The following TMCC1 variants were observed in gnomAD, a reference collection of about 807,000 sequenced individuals.
The protein encoded by TMCC1 is transmembrane and coiled-coil domains protein 1.
TMCC1 carries 15 observed loss-of-function variants against 52.4 expected under a neutral mutation model. The ratio of observed to expected loss-of-function variants is 0.29; its 90% CI spans 0.19 to 0.44. The LOEUF (loss-of-function observed/expected upper bound fraction) is 0.44. TMCC1 is among the 20% of genes least tolerant of loss of function. The pLI is 1.00. For synonymous variants in TMCC1, 279 were observed against 301.9 expected (o/e 0.92, Z 0.79); for missense variants, 503 against 806.0 (o/e 0.62, Z 4.55).
At chr3:129,876,682 C>T (rs538096371) in intron 2 of TMCC1, among the ~76,000 whole-genome samples, 2 of 152,126 alleles carry the variant, frequency 1.3e-5, no homozygotes, top group East Asian at 1.9e-4. Context: ...GGGCTGGGCG[C>T]GGTGGCTCAC....
In TMCC1 at chr3:129,746,200, T is replaced by C. The variant is rs1203537460; in HGVS notation, c.577-74936A>G. Among the ~76,000 whole-genome samples the C allele has an allele frequency of 2.6e-5, 4 of 152,230 alleles. No homozygotes were observed. The East Asian group carries it at 7.7e-4, about 29-fold the overall frequency. ...TTTTTTTTTTCCTGAGATGGAGTCCTGCTCTTGTTGCCCAGGCTGGAGTGC... is the reference window on the plus strand; with the variant it reads ...TTTTTTTTTTCCTGAGATGGAGTCCCGCTCTTGTTGCCCAGGCTGGAGTGC... On this transcript the variant is annotated intron_variant, in intron 4 of 6. Transcript: ENST00000393238.
intron 4 of TMCC1, among the ~76,000 whole-genome samples, chr3:129,721,442 C>T (rs898824938): frequency 3.7e-4 from 57 of 152,030 alleles, no homozygotes; most frequent in African/African-American, 1.3e-3. Flanking sequence ...TACCCTGCCC[C>T]GGGATTCAAG....
chr3:129,781,335 T>G (rs1049243275), intron 4 of TMCC1, among the ~76,000 whole-genome samples: 1 of 152,148 alleles, frequency 6.6e-6, no homozygotes, highest in Non-Finnish European at 1.5e-5. Context: ...TGTGGAGACA[T>G]TTCTAGGTTC....
chr3:129,832,354 G>A (rs965551604), intron 3 of TMCC1, among the ~76,000 whole-genome samples: 6 of 152,134 alleles, frequency 3.9e-5, no homozygotes, highest in Admixed American at 6.5e-5. Flanking sequence ...GGGAGAGGTC[G>A]AAGGAGTGAA....
chr3:129,845,579 TCAAAA>T (rs1399935284), intron 2 of TMCC1, among the ~76,000 whole-genome samples: 3 of 152,138 alleles, frequency 2.0e-5, no homozygotes, highest in African/African-American at 7.2e-5. Context: ...ATATATACTA[TCAAAA>T]CAAATAGTTA....
Position 129,670,650 on chromosome 3 carries a change from T to C in TMCC1, c.1191A>G (p.Gln397=). 1 of 1,614,238 alleles carries C rather than the reference T, an allele frequency of 6.2e-7. No individual in the cohort carries two copies. Among genetic ancestry groups the C allele is most frequent in the East Asian group, 2.2e-5 (1 of 44,884 alleles). Residue 397 remains glutamine, a synonymous_variant, in exon 5 of 7, where the codon CAA becomes CAG. Coordinates refer to ENST00000393238, the MANE Select transcript of TMCC1 (RefSeq NM_001017395.5). The part of the protein sequence containing the change: ...PNLKDSLEEG[Q]VDDAGKALGV... Reference sequence around the variant, plus strand: ...CCAAAGCCTTCCCCGCATCATCCACTTGCCCTTCCTCTAAAGAGTCCTTCA... The same window carrying C: ...CCAAAGCCTTCCCCGCATCATCCACCTGCCCTTCCTCTAAAGAGTCCTTCA...
At chr3:129,889,070 G>A (rs1462174136) in intron 1 of TMCC1, among the ~76,000 whole-genome samples, 3 of 152,068 alleles carry the variant, frequency 2.0e-5, no homozygotes, top group Non-Finnish European at 2.9e-5. Flanking sequence ...CTAGGAGTTC[G>A]AGACCAGCCT....
At chr3:129,826,626 T>G (rs1380844207) in intron 4 of TMCC1, among the ~76,000 whole-genome samples, 1 of 152,168 alleles carries the variant, frequency 6.6e-6, no homozygotes, top group African/African-American at 2.4e-5. Flanking sequence ...GTCCATTATC[T>G]ATATGTTTTA....
At chr3:129,771,959 A>C (rs2054619435) in intron 4 of TMCC1, among the ~76,000 whole-genome samples, 1 of 152,200 alleles carries the variant, frequency 6.6e-6, no homozygotes, top group African/African-American at 2.4e-5. Flanking sequence ...CAGGCAAGAA[A>C]GTACAGATAT....
At chr3:129,703,899 G>C (rs879781227) in intron 4 of TMCC1, among the ~76,000 whole-genome samples, 1 of 152,204 alleles carries the variant, frequency 6.6e-6, no homozygotes, top group South Asian at 2.1e-4. Context: ...ATGTTTTAAG[G>C]CATTTTGCCT....
At chr3:129,748,069 T>C (rs967860974) in intron 4 of TMCC1, among the ~76,000 whole-genome samples, 10 of 152,198 alleles carry the variant, frequency 6.6e-5, no homozygotes, top group African/African-American at 2.4e-4. Context: ...TAATCAGCAC[T>C]CTTAGCTGAG....
intron 4 of TMCC1, chr3:129,820,006 A>C (rs895920638): frequency 1.3e-5 from 2 of 151,152 alleles, no homozygotes; most frequent in African/African-American, 4.9e-5. Context: ...GATTCATTTA[A>C]TATCCCAAGG....
chr3:129,711,973 G>A (rs962743207), intron 4 of TMCC1, among the ~76,000 whole-genome samples: 1 of 125,976 alleles, frequency 7.9e-6, no homozygotes, highest in Admixed American at 1.0e-4. Context: ...CTGCATTCCA[G>A]CCTGGGCGAC....
intron 2 of TMCC1, among the ~76,000 whole-genome samples, chr3:129,842,822 G>A (rs907995198): frequency 6.6e-6 from 1 of 152,164 alleles, no homozygotes; most frequent in East Asian, 1.9e-4. Context: ...AAGTCATAAG[G>A]AAATTTTAAA....
chr3:129,781,335 T>C (rs1049243275), intron 4 of TMCC1, among the ~76,000 whole-genome samples: 1 of 152,148 alleles, frequency 6.6e-6, no homozygotes, highest in Non-Finnish European at 1.5e-5. Flanking sequence ...TGTGGAGACA[T>C]TTCTAGGTTC....
chr3:129,756,100 G>GAAAAAAAAAAAAAA (rs764626470), intron 4 of TMCC1, among the ~76,000 whole-genome samples: 5 of 49,946 alleles, frequency 1.0e-4, no homozygotes, highest in South Asian at 6.2e-4. Context: ...TCCATCTCAA[G>GAAAAAAAAAAAAAA]AAAAAAAAAA....
At chr3:129,869,528 T>C (rs2107958610) in intron 2 of TMCC1, among the ~76,000 whole-genome samples, 1 of 152,304 alleles carries the variant, frequency 6.6e-6, no homozygotes, top group Non-Finnish European at 1.5e-5. Flanking sequence ...AGCAGTCTTT[T>C]GGGACTGAGC....
chr3:129,832,006 C>G (rs2058939605), intron 3 of TMCC1, among the ~76,000 whole-genome samples: 1 of 152,086 alleles, frequency 6.6e-6, no homozygotes, highest in Non-Finnish European at 1.5e-5. Context: ...AGGCGCCCAC[C>G]ACCACAGCTG....
At chr3:129,659,907 CCAAAGGGCAATTG>C (rs1160199665) in intron 5 of TMCC1, among the ~76,000 whole-genome samples, 1 of 152,152 alleles carries the variant, frequency 6.6e-6, no homozygotes, top group African/African-American at 2.4e-5. Flanking sequence ...TCTACCTACT[CCAAAGGGCAATTG>C]CAAAGATTAA....
Sources: allele counts gnomAD v4.1 joint callset (sites outside exome capture counted in the v4.1 genomes callset), GRCh38; gene constraint gnomAD v4.1.1; transcripts MANE v1.5; gene names NCBI Gene and HGNC (gene_info 2026-07-23, HGNC 2026-07-21).